FAM177A1: variants seen among roughly 807,000 people sequenced by gnomAD.
FAM177A1 encodes protein FAM177A1.
In FAM177A1, 22 loss-of-function variants were observed where a neutral mutation model predicts 26.1. The ratio of observed to expected loss-of-function variants is 0.84; its 90% CI spans 0.60 to 1.20. The LOEUF is 1.20. Among genes scored for constraint, FAM177A1 ranks in the 50% most tolerant of loss-of-function variants. The probability of loss-of-function intolerance (pLI) is 0.00; values close to 1 mark genes in which losing one functional copy is unlikely to be tolerated. For synonymous variants in FAM177A1, 95 were observed against 99.3 expected (o/e 0.96, Z 0.26); for missense variants, 296 against 291.1 (o/e 1.02, Z -0.12).
At chr14:35,057,989 T>C (rs905526884) in intron 2 of FAM177A1, among the ~76,000 whole-genome samples, 6 of 152,122 alleles carry the variant, frequency 3.9e-5, no homozygotes, top group African/African-American at 1.4e-4. Context: ...TGAGGTCTAA[T>C]TGATTTTATA....
chr14:35,070,404 G>A (rs1489928745), intron 2 of FAM177A1, among the ~76,000 whole-genome samples: 3 of 151,214 alleles, frequency 2.0e-5, no homozygotes, highest in African/African-American at 7.3e-5. Context: ...ATCTCGCCTC[G>A]CTGCAACCTC....
At position 35,082,377 on chromosome 14, in the gene FAM177A1, G is replaced by A. The variant is rs1454996705; in HGVS notation, c.*1149G>A. On this transcript the variant is annotated 3_prime_UTR_variant, in exon 5 of 5. Coordinates refer to ENST00000280987, the MANE Select transcript of FAM177A1 (RefSeq NM_173607.5). ...AAAATACAAAAATTAGCCAGGCGTG[G>A]TGGTGCACGTCTGTAATCCCAGCTG... 1.3e-5 allele frequency: 2 copies of A among 152,118 alleles called. No homozygotes were observed. Among genetic ancestry groups the A allele is most frequent in the African/African-American group, 4.8e-5 (2 of 41,406 alleles). The allele number at this position is 152,118 out of a possible 1,614,324, so 9.4% of individuals were successfully genotyped here.
chr14:35,053,959 C>T (rs1221327546), intron 2 of FAM177A1, among the ~76,000 whole-genome samples: 1 of 152,154 alleles, frequency 6.6e-6, no homozygotes, highest in African/African-American at 2.4e-5. Flanking sequence ...TGCCATTGCA[C>T]TCCAGCCTCG....
intron 2 of FAM177A1, among the ~76,000 whole-genome samples, chr14:35,072,804 T>C (rs1353486360): frequency 2.0e-5 from 3 of 152,190 alleles, no homozygotes; most frequent in African/African-American, 7.2e-5. Context: ...GTCTGTTAGC[T>C]CTTGAATTTC....
chr14:35,075,407 C>T (rs2045379687), intron 2 of FAM177A1, among the ~76,000 whole-genome samples: 1 of 152,136 alleles, frequency 6.6e-6, no homozygotes, highest in Non-Finnish European at 1.5e-5. Flanking sequence ...GGAATCCTTT[C>T]CCCATTTCTT....
At chr14:35,049,519 C>A (rs1177223088) in intron 1 of FAM177A1, among the ~76,000 whole-genome samples, 1 of 152,144 alleles carries the variant, frequency 6.6e-6, no homozygotes, top group Admixed American at 6.6e-5. Context: ...CAGAGTGGCT[C>A]ACACCTATAA....
chr14:35,045,934 AC>A (rs1294768077), upstream of FAM177A1: 2 of 152,238 alleles, frequency 1.3e-5, no homozygotes, highest in East Asian at 1.9e-4. Flanking sequence ...CTGGACTGTC[AC>A]CCACGTTTGG....
intron 2 of FAM177A1, among the ~76,000 whole-genome samples, chr14:35,061,519 CTT>C (rs199992810): frequency 4.6e-4 from 41 of 89,336 alleles, no homozygotes; most frequent in Admixed American, 5.7e-4. Context: ...TTTCTCATTT[CTT>C]TTTTTTTTTT....
At chr14:35,059,842 C>A (rs937910924) in intron 2 of FAM177A1, among the ~76,000 whole-genome samples, 2 of 151,562 alleles carry the variant, frequency 1.3e-5, no homozygotes, top group Non-Finnish European at 2.9e-5. Flanking sequence ...CCACCACACT[C>A]CACCAATTTT....
intron 2 of FAM177A1, among the ~76,000 whole-genome samples, chr14:35,071,894 G>A (rs1278925111): frequency 6.6e-6 from 1 of 152,180 alleles, no homozygotes; most frequent in Non-Finnish European, 1.5e-5. Context: ...TTGACTGGAA[G>A]CCTTACCTAG....
chr14:35,065,355 ATCTTTTTT>A (rs2045225040), intron 2 of FAM177A1, among the ~76,000 whole-genome samples: 1 of 135,226 alleles, frequency 7.4e-6, no homozygotes, highest in African/African-American at 3.0e-5. Flanking sequence ...TTTCCATTGA[ATCTTTTTT>A]TTTTTTTTTT....
At chr14:35,067,440 C>G (rs1032310059) in intron 2 of FAM177A1, among the ~76,000 whole-genome samples, 3 of 152,150 alleles carry the variant, frequency 2.0e-5, no homozygotes, top group Non-Finnish European at 4.4e-5. Context: ...ATATGGACAC[C>G]TAGGTTGGTT....
Position 35,081,246 on chromosome 14 carries a change from G to C in FAM177A1, c.*18G>C. 1 of 1,581,692 alleles carries C rather than the reference G, an allele frequency of 6.3e-7. No individual in the cohort carries two copies. Among genetic ancestry groups the C allele is most frequent in the Non-Finnish European group, 8.5e-7 (1 of 1,169,958 alleles). On this transcript the variant is annotated 3_prime_UTR_variant, in exon 5 of 5. Coordinates refer to ENST00000280987, the MANE Select transcript of FAM177A1 (RefSeq NM_173607.5). ...CACCATAAAATGAAATGACTATCAA[G>C]CTTCAAACTCTTAAGTTTTTTTTTT...
chr14:35,080,932 T>TTTTTC, intron 4 of FAM177A1, 90 bp from the exon 5 acceptor site: 1 of 1,303,892 alleles, frequency 7.7e-7, no homozygotes, highest in Non-Finnish European at 9.9e-7. Context: ...TTTTTTTTTT[T>TTTTTC]AAACATAAGC....
chr14:35,047,488 T>C (rs2044887131), intron 1 of FAM177A1, among the ~76,000 whole-genome samples: 1 of 152,082 alleles, frequency 6.6e-6, no homozygotes, highest in Non-Finnish European at 1.5e-5. Context: ...CTTTTCAGTA[T>C]TAGACAAAAA....
chr14:35,062,407 C>G (rs998443319), intron 2 of FAM177A1, among the ~76,000 whole-genome samples: 13 of 152,116 alleles, frequency 8.5e-5, no homozygotes, highest in Admixed American at 4.6e-4. Flanking sequence ...CCAACAGATC[C>G]CTGGGTGATA....
chr14:35,045,759 GAC>G (rs1311657065), upstream of FAM177A1, among the ~76,000 whole-genome samples: 6 of 152,182 alleles, frequency 3.9e-5, no homozygotes, highest in South Asian at 6.2e-4. Flanking sequence ...ACGACTTTAA[GAC>G]ACAGATAAAA....
At chr14:35,064,905 G>T (rs1441422502) in intron 2 of FAM177A1, among the ~76,000 whole-genome samples, 1 of 152,132 alleles carries the variant, frequency 6.6e-6, no homozygotes, top group Non-Finnish European at 1.5e-5. Context: ...GCCCGCTTCA[G>T]CCTCCCAAAG....
intron 2 of FAM177A1, among the ~76,000 whole-genome samples, chr14:35,063,589 A>C (rs2045193321): frequency 1.3e-5 from 2 of 152,156 alleles, no homozygotes; most frequent in South Asian, 4.2e-4. Context: ...AAAATAAATA[A>C]ATAAATTTTC....
Sources: gnomAD v4.1 joint callset for allele counts (sites outside exome capture counted in the v4.1 genomes callset) on GRCh38, gnomAD v4.1.1 for gene constraint, MANE v1.5 for transcripts, NCBI Gene and HGNC (gene_info 2026-07-23, HGNC 2026-07-21) for gene names.